Variants in GPR176 observed in about 807,000 individuals in gnomAD.
GPR176 encodes G protein-coupled receptor 176.
A neutral mutation model predicts 35.4 loss-of-function variants in GPR176; 26 were observed. The ratio of observed to expected loss-of-function variants is 0.74; its 90% CI spans 0.54 to 1.02. GPR176 has a LOEUF of 1.02. Among genes scored for constraint, GPR176 ranks in the 50% least tolerant of loss-of-function variants. The pLI is 0.00. For missense variants in GPR176, 597 were observed against 665.3 expected (o/e 0.90, Z 1.13); for synonymous variants, 278 against 271.3 (o/e 1.02, Z -0.24).
chr15:39,884,837 C>A lies in GPR176; in HGVS notation c.172+35018G>T, dbSNP rs527261176. ...TCAGACCTGGTGACACAGCCACCCC[C>A]ACTCTGCACAAGAGTCTGGAAGGTA... On this transcript the variant is annotated intron_variant, in intron 1 of 2. Transcript: ENST00000561100. Among the ~76,000 whole-genome samples, 3 of 152,328 alleles carry A rather than the reference C, an allele frequency of 2.0e-5. No homozygotes were observed. The South Asian group carries it at 6.2e-4, about 32-fold the overall frequency.
At chr15:39,811,857 A>G (rs1033331516) in intron 1 of GPR176, among the ~76,000 whole-genome samples, 1 of 151,666 alleles carries the variant, frequency 6.6e-6, no homozygotes, top group Admixed American at 6.6e-5. Flanking sequence ...CGGAGCTTGC[A>G]GTGAGCCGAG....
chr15:39,904,265 C>A (rs1361797051), intron 1 of GPR176, among the ~76,000 whole-genome samples: 1 of 152,200 alleles, frequency 6.6e-6, no homozygotes, highest in East Asian at 1.9e-4. Context: ...TCTGGGAATG[C>A]AGCCCGGCAG....
At chr15:39,919,749 T>G (rs2033824460) in intron 1 of GPR176, 106 bp downstream of exon 1, 2 of 852,946 alleles carry the variant, frequency 2.3e-6, no homozygotes, top group Non-Finnish European at 3.3e-6. Flanking sequence ...TCTCTGCACT[T>G]TGCCAGGCAC....
rs187238902 is a variant in GPR176 at position 39,888,557 on chromosome 15, G to T, written c.172+31298C>A. On this transcript the variant is annotated intron_variant, in intron 1 of 2. Transcript: ENST00000561100. Reference sequence around the variant, plus strand: ...GATCCTCCTGCCTTGGACTTCCAAAGTGCTGGGATTACATGTTTGAGCCAC... The same window carrying T: ...GATCCTCCTGCCTTGGACTTCCAAATTGCTGGGATTACATGTTTGAGCCAC... Among the ~76,000 whole-genome samples the T allele has an allele frequency of 2.2e-4, 34 of 152,326 alleles. No homozygotes were observed. The East Asian group carries it at 6.4e-3, about 28-fold the overall frequency.
intron 1 of GPR176, among the ~76,000 whole-genome samples, chr15:39,842,374 T>G (rs966566793): frequency 1.3e-5 from 2 of 152,138 alleles, no homozygotes; most frequent in Non-Finnish European, 2.9e-5. Context: ...AGGCGGATGG[T>G]GCTAAACCAT....
At chr15:39,894,549 G>A (rs191381188) in intron 1 of GPR176, 13,615 of 182,116 alleles carry the variant, frequency 0.075, 707 homozygotes, top group Non-Finnish European at 0.11. Context: ...ACAGGGTCGC[G>A]GCCGGGCAGA....
chr15:39,903,790 T>A (rs1173567396), intron 1 of GPR176, among the ~76,000 whole-genome samples: 3 of 152,146 alleles, frequency 2.0e-5, no homozygotes, highest in Admixed American at 1.3e-4. Context: ...GGTCATTGTG[T>A]TACAGGAAAG....
chr15:39,869,766 T>G (rs1216979191), intron 1 of GPR176, among the ~76,000 whole-genome samples: 1 of 152,200 alleles, frequency 6.6e-6, no homozygotes, highest in African/African-American at 2.4e-5. Flanking sequence ...CTTAGAAATA[T>G]TCCCCATTTT....
At chr15:39,868,494 TG>T (rs908046011) in intron 1 of GPR176, among the ~76,000 whole-genome samples, 1 of 152,150 alleles carries the variant, frequency 6.6e-6, no homozygotes, top group Non-Finnish European at 1.5e-5. Flanking sequence ...ATTAGCAACT[TG>T]GGCACATCTT....
chr15:39,835,373 A>T (rs1455952072), intron 1 of GPR176, among the ~76,000 whole-genome samples: 3 of 152,108 alleles, frequency 2.0e-5, no homozygotes. Flanking sequence ...ACAAAAAATA[A>T]AAATTAAAAA....
rs1007145803 is a variant in GPR176 at position 39,858,153 on chromosome 15, G to A, written c.173-50895C>T. Among the ~76,000 whole-genome samples the A allele has an allele frequency of 1.8e-4, 28 of 152,014 alleles. 1 individual carries two copies. On this transcript the variant is annotated intron_variant, in intron 1 of 2. Coordinates refer to ENST00000561100, the MANE Select transcript of GPR176 (RefSeq NM_007223.3). ...TGGATGAAGCTATGACCCAAGCAAG[G>A]TTGACCAGTCTGAAAAGGGAACTAG...
intron 1 of GPR176, among the ~76,000 whole-genome samples, chr15:39,899,218 C>G (rs972896546): frequency 1.3e-5 from 2 of 152,192 alleles, no homozygotes; most frequent in Non-Finnish European, 2.9e-5. Context: ...ACCAATCATA[C>G]CAGCCAGTCC....
chr15:39,847,406 C>G (rs535599270), intron 1 of GPR176, among the ~76,000 whole-genome samples: 2 of 152,052 alleles, frequency 1.3e-5, no homozygotes, highest in African/African-American at 4.8e-5. Flanking sequence ...ATGTTATATA[C>G]AGGTTGAAAG....
intron 1 of GPR176, among the ~76,000 whole-genome samples, chr15:39,913,256 A>C (rs113280090): frequency 6.6e-6 from 1 of 152,186 alleles, no homozygotes; most frequent in Admixed American, 6.5e-5. Context: ...ATAGAAACAG[A>C]AAGTAGGGCC....
chr15:39,895,130 G>C (rs2033064125), intron 1 of GPR176, among the ~76,000 whole-genome samples: 1 of 152,206 alleles, frequency 6.6e-6, no homozygotes, highest in South Asian at 2.1e-4. Flanking sequence ...TGAGTCAGGA[G>C]AATCAGGCAG....
At chr15:39,843,566 A>C (rs1195383119) in intron 1 of GPR176, among the ~76,000 whole-genome samples, 2 of 147,930 alleles carry the variant, frequency 1.4e-5, no homozygotes, top group Non-Finnish European at 3.0e-5. Context: ...TGATTGACAG[A>C]TCAATAGTAC....
chr15:39,807,447 T>TC, intron 1 of GPR176, 189 bp from the exon 2 acceptor site: 1 of 836,310 alleles, frequency 1.2e-6, no homozygotes, highest in Non-Finnish European at 1.8e-6. Context: ...AATTATTAAA[T>TC]CACATATCAA....
chr15:39,874,571 C>A (rs2032170572), intron 1 of GPR176, among the ~76,000 whole-genome samples: 2 of 152,310 alleles, frequency 1.3e-5, no homozygotes, highest in Admixed American at 1.3e-4. Flanking sequence ...CAGAAACAAT[C>A]TGGTGTCAAG....
At chr15:39,817,917 G>A (rs1253243159) in intron 1 of GPR176, among the ~76,000 whole-genome samples, 1 of 152,170 alleles carries the variant, frequency 6.6e-6, no homozygotes, top group East Asian at 1.9e-4. Context: ...GCTCTAAAAA[G>A]GATTCTATCT....
Sources: gnomAD v4.1 joint callset for allele counts (sites outside exome capture counted in the v4.1 genomes callset) on GRCh38, gnomAD v4.1.1 for gene constraint, MANE v1.5 for transcripts, NCBI Gene and HGNC (gene_info 2026-07-23, HGNC 2026-07-21) for gene names.